Variants in NRG1 observed in about 807,000 individuals in gnomAD.
The protein encoded by NRG1 is pro-neuregulin-1, membrane-bound isoform.
NRG1 carries 18 observed loss-of-function variants against 63.8 expected under a neutral mutation model. The observed-to-expected ratio is 0.28, with a 90% CI of 0.19 to 0.42. The LOEUF is 0.42. Ranked by LOEUF, NRG1 falls within the 10% of genes least tolerant of loss-of-function variation. The probability of loss-of-function intolerance (pLI) is 1.00; values close to 1 mark genes in which losing one functional copy is unlikely to be tolerated. For synonymous variants in NRG1, 302 were observed against 301.3 expected (o/e 1.00, Z -0.02); for missense variants, 762 against 814.7 (o/e 0.94, Z 0.79).
At chr8:32,530,172 A>T (rs1327066537) in intron 1 of NRG1, among the ~76,000 whole-genome samples, 1 of 151,348 alleles carries the variant, frequency 6.6e-6, no homozygotes, top group East Asian at 2.0e-4. Context: ...CAGTGGTGCT[A>T]TCTCGGCTCA....
intron 1 of NRG1, among the ~76,000 whole-genome samples, chr8:32,285,637 A>G (rs1170148830): frequency 6.6e-6 from 1 of 152,142 alleles, no homozygotes; most frequent in African/African-American, 2.4e-5. Flanking sequence ...ATTTTTAGTC[A>G]TGTCTACTTG....
intron 1 of NRG1, among the ~76,000 whole-genome samples, chr8:31,857,564 A>C (rs1828037761): frequency 6.6e-6 from 1 of 152,044 alleles, no homozygotes; most frequent in African/African-American, 2.4e-5. Flanking sequence ...TGCAGAAATC[A>C]CCCGTCTTCT....
At chr8:31,898,515 G>A (rs1052359614) in intron 1 of NRG1, among the ~76,000 whole-genome samples, 2 of 151,998 alleles carry the variant, frequency 1.3e-5, no homozygotes, top group Non-Finnish European at 2.9e-5. Flanking sequence ...AATGTGTTCT[G>A]ATCTGCTGCT....
At chr8:31,944,397 T>C (rs1331268694) in intron 1 of NRG1, among the ~76,000 whole-genome samples, 2 of 152,196 alleles carry the variant, frequency 1.3e-5, no homozygotes, top group African/African-American at 4.8e-5. Context: ...AAGAACGATA[T>C]GCAGAGAAGT....
At chr8:32,176,571 C>G (rs1840756600) in intron 1 of NRG1, among the ~76,000 whole-genome samples, 1 of 152,152 alleles carries the variant, frequency 6.6e-6, no homozygotes, top group Non-Finnish European at 1.5e-5. Context: ...TTTTTGCAAT[C>G]TATTCATCTG....
At chr8:31,805,732 G>A (rs1014849249) in intron 1 of NRG1, among the ~76,000 whole-genome samples, 3 of 150,010 alleles carry the variant, frequency 2.0e-5, no homozygotes, top group Non-Finnish European at 4.4e-5. Context: ...GGAGTCTGAG[G>A]CAGGAGAATG....
intron 1 of NRG1, among the ~76,000 whole-genome samples, chr8:32,568,953 C>A (rs1837988755): frequency 1.2e-5 from 1 of 83,418 alleles, no homozygotes; most frequent in Non-Finnish European, 2.5e-5. Flanking sequence ...AATGAAAATC[C>A]TTGAAATGGA....
At chr8:32,409,286 G>A (rs996322357) in intron 1 of NRG1, among the ~76,000 whole-genome samples, 3 of 152,066 alleles carry the variant, frequency 2.0e-5, no homozygotes, top group African/African-American at 7.2e-5. Context: ...TGTAATACCT[G>A]ACACTATAAA....
chr8:32,745,667 G>A (rs1036503027), intron 7 of NRG1, among the ~76,000 whole-genome samples: 2 of 119,948 alleles, frequency 1.7e-5, no homozygotes, highest in Non-Finnish European at 3.5e-5. Flanking sequence ...GATATGTGGT[G>A]TGTGGGGGGT....
intron 1 of NRG1, among the ~76,000 whole-genome samples, chr8:32,332,444 T>C (rs145693790): frequency 1.3e-4 from 20 of 152,308 alleles, no homozygotes; most frequent in African/African-American, 4.3e-4. Flanking sequence ...ATCCTGTCAG[T>C]CACTTCTCTG....
chr8:32,474,901 G>A (rs532646450), intron 1 of NRG1, among the ~76,000 whole-genome samples: 2 of 152,218 alleles, frequency 1.3e-5, no homozygotes, highest in African/African-American at 4.8e-5. Flanking sequence ...CTCATTTGTC[G>A]ATTTGAGGAT....
At chr8:31,755,484 G>A (rs886995589) in intron 1 of NRG1, among the ~76,000 whole-genome samples, 1 of 152,000 alleles carries the variant, frequency 6.6e-6, no homozygotes, top group Non-Finnish European at 1.5e-5. Context: ...AGCTGCTTTT[G>A]TTTGAGTGAC....
intron 1 of NRG1, among the ~76,000 whole-genome samples, chr8:32,118,512 C>T (rs1425524385): frequency 1.3e-5 from 2 of 152,028 alleles, no homozygotes; most frequent in South Asian, 2.1e-4. Context: ...GCCAAATAAA[C>T]GTCTTTTCTT....
intron 5 of NRG1, among the ~76,000 whole-genome samples, chr8:32,725,308 C>T (rs1399632132): frequency 6.6e-6 from 1 of 152,004 alleles, no homozygotes; most frequent in Non-Finnish European, 1.5e-5. Context: ...AGTTCCTCTG[C>T]AGGACTGCGT....
At chr8:32,089,675 G>A (rs1161608677) in intron 1 of NRG1, among the ~76,000 whole-genome samples, 4 of 152,158 alleles carry the variant, frequency 2.6e-5, no homozygotes. Context: ...AAGGAAGATT[G>A]AGTTTAAGAG....
chr8:32,045,661 T>C (rs1820881690), intron 1 of NRG1, among the ~76,000 whole-genome samples: 1 of 151,868 alleles, frequency 6.6e-6, no homozygotes, highest in African/African-American at 2.4e-5. Flanking sequence ...CCTGCATAAA[T>C]ATGCCAACTC....
At chr8:32,349,746 G>A (rs1050938094) in intron 1 of NRG1, among the ~76,000 whole-genome samples, 4 of 152,262 alleles carry the variant, frequency 2.6e-5, no homozygotes, top group African/African-American at 9.6e-5. Context: ...AAAATTAGTG[G>A]TGTTTTCTGA....
intron 1 of NRG1, among the ~76,000 whole-genome samples, chr8:31,855,709 G>A (rs1284475342): frequency 2.6e-5 from 4 of 152,238 alleles, no homozygotes; most frequent in Admixed American, 6.5e-5. Flanking sequence ...TCCTAGTATC[G>A]ATGGTCTTTA....
At chr8:32,394,553 C>A (rs1199330327) in intron 1 of NRG1, among the ~76,000 whole-genome samples, 1 of 152,184 alleles carries the variant, frequency 6.6e-6, no homozygotes, top group Admixed American at 6.5e-5. Context: ...CCTCTTTCAG[C>A]CTTTTCCTTC....
Sources: allele counts gnomAD v4.1 joint callset (sites outside exome capture counted in the v4.1 genomes callset), GRCh38; gene constraint gnomAD v4.1.1; transcripts MANE v1.5; gene names NCBI Gene and HGNC (gene_info 2026-07-23, HGNC 2026-07-21).